PIP4K2A: variants seen among roughly 807,000 people sequenced by gnomAD.
PIP4K2A encodes the protein phosphatidylinositol 5-phosphate 4-kinase type-2 alpha.
PIP4K2A carries 14 observed loss-of-function variants against 42.9 expected under a neutral mutation model. That is an observed-to-expected ratio of 0.33 (90% CI 0.22 to 0.51). PIP4K2A has a LOEUF of 0.51. Among genes scored for constraint, PIP4K2A ranks in the 20% least tolerant of loss-of-function variants. The probability of loss-of-function intolerance (pLI) is 0.97; values close to 1 mark genes in which losing one functional copy is unlikely to be tolerated. For missense variants in PIP4K2A, 434 were observed against 519.8 expected (o/e 0.83, Z 1.61); for synonymous variants, 192 against 192.2 (o/e 1.00, Z 0.01).
intron 1 of PIP4K2A, among the ~76,000 whole-genome samples, chr10:22,615,974 G>A (rs1326339): frequency 0.042 from 6,385 of 152,244 alleles, 209 homozygotes; most frequent in African/African-American, 0.078. Context: ...TGTTTATGCC[G>A]TGCCAGTCAC....
At chr10:22,664,152 C>CGTATATATAT (rs1839287256) in intron 1 of PIP4K2A, among the ~76,000 whole-genome samples, 1 of 20,842 alleles carries the variant, frequency 4.8e-5, no homozygotes, top group Non-Finnish European at 8.6e-5. Flanking sequence ...CATATATATA[C>CGTATATATAT]ACATATATAT....
At chr10:22,542,090 A>G (rs769221618) in intron 7 of PIP4K2A, 43 bp from the exon 8 acceptor site, 1 of 1,536,038 alleles carries the variant, frequency 6.5e-7, no homozygotes, top group Non-Finnish European at 8.8e-7. Context: ...CACCTTAAAC[A>G]TAAAAGCCAA....
chr10:22,540,950 C>T (rs1836091863), intron 8 of PIP4K2A, among the ~76,000 whole-genome samples: 1 of 152,046 alleles, frequency 6.6e-6, no homozygotes. Context: ...TTTTGGTGAG[C>T]AAAACAGAAC....
intron 1 of PIP4K2A, among the ~76,000 whole-genome samples, chr10:22,623,518 C>A (rs1307563024): frequency 1.3e-5 from 2 of 152,076 alleles, no homozygotes; most frequent in South Asian, 4.1e-4. Flanking sequence ...GCTTGTCTGA[C>A]GAATGCCCTC....
At chr10:22,597,131 T>C (rs1034594729) in intron 3 of PIP4K2A, among the ~76,000 whole-genome samples, 11 of 152,246 alleles carry the variant, frequency 7.2e-5, no homozygotes, top group African/African-American at 2.4e-4. Context: ...CAAAGCTATC[T>C]GAACTCATTC....
chr10:22,585,445 T>A (rs1214161474), intron 4 of PIP4K2A, among the ~76,000 whole-genome samples: 1 of 152,202 alleles, frequency 6.6e-6, no homozygotes, highest in Non-Finnish European at 1.5e-5. Context: ...TTCAGTCACT[T>A]TGAAATAAGA....
At chr10:22,581,735 T>A (rs1416008735) in intron 4 of PIP4K2A, among the ~76,000 whole-genome samples, 2 of 152,202 alleles carry the variant, frequency 1.3e-5, no homozygotes, top group Non-Finnish European at 1.5e-5. Flanking sequence ...TTTCCTATTT[T>A]TGCTGGCTTT....
At chr10:22,696,160 C>G (rs1476507851) in intron 1 of PIP4K2A, among the ~76,000 whole-genome samples, 1 of 152,188 alleles carries the variant, frequency 6.6e-6, no homozygotes. Context: ...ACCACCTCAG[C>G]CAACATGTGT....
intron 1 of PIP4K2A, among the ~76,000 whole-genome samples, chr10:22,694,840 C>A (rs770800949): frequency 1.2e-4 from 18 of 151,818 alleles, no homozygotes; most frequent in Non-Finnish European, 2.4e-4. Context: ...TATTTTCAAC[C>A]CTCTTTATCC....
intron 1 of PIP4K2A, among the ~76,000 whole-genome samples, chr10:22,713,261 C>T (rs1725396574): frequency 6.6e-6 from 1 of 152,204 alleles, no homozygotes; most frequent in African/African-American, 2.4e-5. Context: ...AGCGGCGCAT[C>T]CTCCAATCCC....
intron 1 of PIP4K2A, among the ~76,000 whole-genome samples, chr10:22,651,674 T>C (rs111379492): frequency 0.018 from 2,690 of 152,342 alleles, 79 homozygotes; most frequent in African/African-American, 0.061. Flanking sequence ...TCATTGGTAT[T>C]TGTATGATGT....
intron 6 of PIP4K2A, chr10:22,567,525 G>A (rs1399105427): frequency 2.4e-5 from 13 of 548,198 alleles, no homozygotes; most frequent in East Asian, 2.3e-4. Flanking sequence ...CTGACCCGCA[G>A]GAACGCACTC....
intron 3 of PIP4K2A, among the ~76,000 whole-genome samples, chr10:22,602,124 G>T (rs959455866): frequency 6.6e-6 from 1 of 152,150 alleles, no homozygotes; most frequent in African/African-American, 2.4e-5. Flanking sequence ...TGGGTGCAGT[G>T]GCTCACATCT....
chr10:22,542,248 G>C (rs1836140100), intron 7 of PIP4K2A, among the ~76,000 whole-genome samples: 1 of 151,728 alleles, frequency 6.6e-6, no homozygotes, highest in Non-Finnish European at 1.5e-5. Flanking sequence ...GGCTGGCTCA[G>C]AGCTCAGGCT....
chr10:22,574,012 C>T (rs889066258), intron 4 of PIP4K2A, among the ~76,000 whole-genome samples: 4 of 152,240 alleles, frequency 2.6e-5, no homozygotes, highest in Non-Finnish European at 4.4e-5. Context: ...CCTGCTCTGC[C>T]GGCAGATGGG....
chr10:22,666,222 C>T (rs1228742480), intron 1 of PIP4K2A, among the ~76,000 whole-genome samples: 1 of 152,200 alleles, frequency 6.6e-6, no homozygotes, highest in Admixed American at 6.5e-5. Flanking sequence ...GAATACATTA[C>T]ACAAATTCTT....
At chr10:22,585,394 G>C (rs1837369773) in intron 4 of PIP4K2A, among the ~76,000 whole-genome samples, 1 of 152,024 alleles carries the variant, frequency 6.6e-6, no homozygotes, top group Non-Finnish European at 1.5e-5. Context: ...GGATAAGAAA[G>C]GAATTTAAGT....
intron 1 of PIP4K2A, among the ~76,000 whole-genome samples, chr10:22,632,003 T>C (rs1838560828): frequency 6.6e-6 from 1 of 151,802 alleles, no homozygotes; most frequent in African/African-American, 2.4e-5. Flanking sequence ...ACTAACGCTC[T>C]GGTATTCTCG....
chr10:22,639,701 T>C (rs1838737995), intron 1 of PIP4K2A, among the ~76,000 whole-genome samples: 1 of 152,220 alleles, frequency 6.6e-6, no homozygotes, highest in Admixed American at 6.5e-5. Flanking sequence ...TGAATAAAAG[T>C]TGCCATAGCT....
Sources: gnomAD v4.1 joint callset for allele counts (sites outside exome capture counted in the v4.1 genomes callset) on GRCh38, gnomAD v4.1.1 for gene constraint, MANE v1.5 for transcripts, NCBI Gene and HGNC (gene_info 2026-07-23, HGNC 2026-07-21) for gene names.